Variants in FHIT observed in about 807,000 individuals in gnomAD.
The protein encoded by FHIT is fragile histidine triad diadenosine triphosphatase, also known as bis(5'-adenosyl)-triphosphatase.
Under a neutral mutation model 17.9 loss-of-function variants are expected in FHIT, and 19 were observed. The observed-to-expected ratio is 1.06, with a 90% CI of 0.74 to 1.56. The LOEUF (loss-of-function observed/expected upper bound fraction) is 1.56, where lower values mean the gene tolerates loss of function less well. Ranked by LOEUF, FHIT falls within the 40% of genes most tolerant of loss-of-function variation. FHIT has a pLI of 0.00. For synonymous variants in FHIT, 81 were observed against 69.7 expected (o/e 1.16, Z -0.81); for missense variants, 248 against 189.2 (o/e 1.31, Z -1.82).
chr3:61,208,960 G>A (rs1467182741), intron 1 of FHIT, among the ~76,000 whole-genome samples: 1 of 152,010 alleles, frequency 6.6e-6, no homozygotes, highest in African/African-American at 2.4e-5. Flanking sequence ...GGTACTGGTT[G>A]TTCCTTTCCA....
chr3:60,699,904 G>A (rs2041202710), intron 4 of FHIT, among the ~76,000 whole-genome samples: 1 of 151,940 alleles, frequency 6.6e-6, no homozygotes, highest in African/African-American at 2.4e-5. Context: ...AACACTTTGG[G>A]AGGCCGAGGC....
intron 5 of FHIT, among the ~76,000 whole-genome samples, chr3:60,056,925 G>A (rs1237055486): frequency 1.3e-5 from 2 of 152,132 alleles, no homozygotes; most frequent in South Asian, 4.2e-4. Context: ...GAGCGGTAAT[G>A]GTCCCAGAGG....
At chr3:60,479,467 T>C (rs974275629) in intron 5 of FHIT, among the ~76,000 whole-genome samples, 1 of 152,222 alleles carries the variant, frequency 6.6e-6, no homozygotes, top group Non-Finnish European at 1.5e-5. Flanking sequence ...AAAATTCCTA[T>C]TGCTTAGTGA....
intron 2 of FHIT, among the ~76,000 whole-genome samples, chr3:61,191,219 G>C (rs2038706085): frequency 6.6e-6 from 1 of 152,158 alleles, no homozygotes. Flanking sequence ...GTGTCTGTGA[G>C]GGTGTTTCTG....
chr3:59,826,817 A>G (rs1438338552), intron 8 of FHIT, among the ~76,000 whole-genome samples: 1 of 152,256 alleles, frequency 6.6e-6, no homozygotes, highest in African/African-American at 2.4e-5. Flanking sequence ...GGCTCCAGTA[A>G]GGCTTTGCTT....
intron 2 of FHIT, among the ~76,000 whole-genome samples, chr3:61,166,608 G>A (rs559308028): frequency 6.6e-6 from 1 of 152,162 alleles, no homozygotes; most frequent in South Asian, 2.1e-4. Flanking sequence ...AATACACACA[G>A]TTCAAGATTA....
At chr3:61,178,823 G>C (rs1039265744) in intron 2 of FHIT, among the ~76,000 whole-genome samples, 1 of 151,784 alleles carries the variant, frequency 6.6e-6, no homozygotes, top group Non-Finnish European at 1.5e-5. Flanking sequence ...ACAAACAAAT[G>C]GTGTGGCTGA....
At chr3:60,679,442 C>T (rs551722475) in intron 4 of FHIT, among the ~76,000 whole-genome samples, 1 of 152,114 alleles carries the variant, frequency 6.6e-6, no homozygotes, top group South Asian at 2.1e-4. Flanking sequence ...TTTATAGTTC[C>T]CAGTCTTATT....
At chr3:61,099,747 G>A (rs79947430) in intron 2 of FHIT, among the ~76,000 whole-genome samples, 1 of 151,170 alleles carries the variant, frequency 6.6e-6, no homozygotes, top group Non-Finnish European at 1.5e-5. Flanking sequence ...ATTTCGGTGG[G>A]GTCAGTGATA....
intron 2 of FHIT, among the ~76,000 whole-genome samples, chr3:61,198,892 CGCCGAT>C (rs1312417899): frequency 2.7e-5 from 2 of 72,786 alleles, no homozygotes; most frequent in Non-Finnish European, 5.5e-5. Flanking sequence ...CTGCTGCCGC[CGCCGAT>C]GATGATGATG....
chr3:61,153,881 T>C (rs967735332), intron 2 of FHIT, among the ~76,000 whole-genome samples: 2 of 152,236 alleles, frequency 1.3e-5, no homozygotes, highest in African/African-American at 4.8e-5. Context: ...GATATTATTT[T>C]GTAAAAAATG....
intron 4 of FHIT, among the ~76,000 whole-genome samples, chr3:60,556,058 C>T (rs963418491): frequency 6.6e-6 from 1 of 152,132 alleles, no homozygotes; most frequent in African/African-American, 2.4e-5. Context: ...ATAAGGACTT[C>T]CTGGAGCTAA....
chr3:60,383,789 C>A (rs9842521), intron 5 of FHIT, among the ~76,000 whole-genome samples: 41,353 of 151,992 alleles, frequency 0.27, 5,802 homozygotes, highest in East Asian at 0.47. Context: ...TTATTTGTTT[C>A]ATCCTTATTC....
intron 8 of FHIT, among the ~76,000 whole-genome samples, chr3:59,780,079 G>C (rs1022967517): frequency 6.6e-6 from 1 of 152,130 alleles, no homozygotes; most frequent in Admixed American, 6.5e-5. Flanking sequence ...CTATCTATGG[G>C]TCCCTGTGTG....
intron 8 of FHIT, among the ~76,000 whole-genome samples, chr3:59,910,125 G>T (rs538286486): frequency 6.6e-6 from 1 of 152,188 alleles, no homozygotes; most frequent in Non-Finnish European, 1.5e-5. Flanking sequence ...AAGGTGATCA[G>T]AGCACAGTTT....
chr3:60,225,569 C>G (rs560672587), intron 5 of FHIT, among the ~76,000 whole-genome samples: 1 of 152,108 alleles, frequency 6.6e-6, no homozygotes, highest in East Asian at 1.9e-4. Flanking sequence ...ACAGTCTGCA[C>G]GCAGAATGGT....
chr3:59,914,236 T>C (rs907629180), intron 8 of FHIT, among the ~76,000 whole-genome samples: 1 of 152,058 alleles, frequency 6.6e-6, no homozygotes, highest in Non-Finnish European at 1.5e-5. Context: ...AAATCCAAAC[T>C]GGATTTTACA....
At chr3:61,208,298 T>G (rs1050385915) in intron 1 of FHIT, among the ~76,000 whole-genome samples, 2 of 152,084 alleles carry the variant, frequency 1.3e-5, no homozygotes, top group African/African-American at 4.8e-5. Context: ...TCTGTTGATA[T>G]GGGGTGGAGA....
At chr3:60,325,541 A>C (rs1049033126) in intron 5 of FHIT, among the ~76,000 whole-genome samples, 2 of 152,360 alleles carry the variant, frequency 1.3e-5, no homozygotes, top group Non-Finnish European at 2.9e-5. Flanking sequence ...AAATGCCTTC[A>C]GAGTTGGGTT....
Sources: allele counts gnomAD v4.1 joint callset (sites outside exome capture counted in the v4.1 genomes callset), GRCh38; gene constraint gnomAD v4.1.1; transcripts MANE v1.5; gene names NCBI Gene and HGNC (gene_info 2026-07-23, HGNC 2026-07-21).